FAM114A1: variants seen among roughly 807,000 people sequenced by gnomAD.
The protein encoded by FAM114A1 is family with sequence similarity 114 member A1, also known as protein NOXP20.
FAM114A1 carries 62 observed loss-of-function variants against 64.3 expected under a neutral mutation model. The ratio of observed to expected loss-of-function variants is 0.96; its 90% CI spans 0.79 to 1.19. The LOEUF (loss-of-function observed/expected upper bound fraction) is 1.19. FAM114A1 is among the 50% of genes most tolerant of loss of function. The pLI, the probability that FAM114A1 is intolerant of heterozygous loss-of-function variation, is 0.00. For synonymous variants in FAM114A1, 254 were observed against 251.1 expected, an observed-to-expected ratio of 1.01 and a Z score of -0.11; for missense variants, 645 against 676.3, an observed-to-expected ratio of 0.95 and a Z score of 0.51.
intron 2 of FAM114A1, among the ~76,000 whole-genome samples, chr4:38,871,533 CA>C (rs1292114196): frequency 1.3e-5 from 2 of 151,990 alleles, no homozygotes; most frequent in African/African-American, 4.8e-5. Context: ...TATGTTTTAA[CA>C]ATGCCTGTTT....
chr4:38,884,551 A>G (rs1715610016), intron 3 of FAM114A1, among the ~76,000 whole-genome samples: 1 of 152,218 alleles, frequency 6.6e-6, no homozygotes, highest in African/African-American at 2.4e-5. Context: ...TAAATAGATT[A>G]TGGTAGCTAG....
In FAM114A1 at chr4:38,876,209, G is replaced by A. The variant is rs187444138; in HGVS notation, c.-8-1862G>A. Among the ~76,000 whole-genome samples, 205 of 122,202 alleles carry A rather than the reference G, an allele frequency of 1.7e-3. 1 individual carries two copies. The highest frequency in any genetic ancestry group is 5.9e-3 in the African/African-American group (182 of 30,702). 80.2% of individuals were successfully genotyped at this position (122,202 alleles called of 152,430 possible). A position where few individuals can be genotyped will look rare whatever the true frequency, so the allele number is the denominator to read the frequency against. On this transcript the variant is annotated intron_variant, in intron 2 of 14. Transcript: ENST00000358869. ...TTTTTTGAGACGGTCTCGCTTTGTC[G>A]CCCAGGCTGGAGTGCAGTGACACGA...
rs762985146 is a variant in FAM114A1 at position 38,935,768 on chromosome 4, C to T, written c.1514C>T (p.Thr505Met). ...NEVASLSKKF[T>M]NSLTTVGSNK... ...GTGGCCTCTTTATCAAAGAAGTTTA[C>T]GAATTCTTTAACCACTGTTGGGGTA... Residue 505 changes from threonine (T) to methionine (M), a missense_variant, in exon 13 of 15, where the codon ACG (threonine) becomes ATG (methionine). Coordinates refer to ENST00000358869, the MANE Select transcript of FAM114A1 (RefSeq NM_138389.4). 9.3e-6 allele frequency: 15 copies of T among 1,610,172 alleles called. No individual in the cohort carries two copies. Among genetic ancestry groups the T allele is most frequent in the East Asian group, 6.7e-5 (3 of 44,802 alleles).
At chr4:38,932,956 C>T (rs1192835482) in intron 12 of FAM114A1, among the ~76,000 whole-genome samples, 4 of 150,208 alleles carry the variant, frequency 2.7e-5, no homozygotes, top group Admixed American at 6.6e-5. Flanking sequence ...CAGGTTCAAG[C>T]GATTCTCCTG....
chr4:38,878,765 C>G (rs1346292143), intron 3 of FAM114A1, among the ~76,000 whole-genome samples: 1 of 152,142 alleles, frequency 6.6e-6, no homozygotes, highest in South Asian at 2.1e-4. Flanking sequence ...CTGTGGCAAC[C>G]AGGCTCAGAG....
At position 38,943,447 on chromosome 4, in the gene FAM114A1, C is replaced by T. The variant is rs764065226; in HGVS notation, c.1591-9C>T. ...ATAACCCTTCAACCTCATTTTTCTC[C>T]TCTCACAGGGCTGCAACAGTACAAC... On this transcript the variant is annotated splice_polypyrimidine_tract_variant and intron_variant, in intron 14 of 14. Coordinates refer to ENST00000358869, the MANE Select transcript of FAM114A1 (RefSeq NM_138389.4). 4 of 1,613,014 alleles carry T rather than the reference C, an allele frequency of 2.5e-6. No homozygotes were observed. The highest frequency in any genetic ancestry group is 1.3e-5 in the African/African-American group (1 of 75,030).
Position 38,908,582 on chromosome 4 carries a change from T to A in FAM114A1, c.658-10T>A. On this transcript the variant is annotated splice_polypyrimidine_tract_variant and intron_variant, in intron 6 of 14. Transcript: ENST00000358869. ...AAACATCTAATCTCATGCAGTTATC[T>A]CATCTGCAGGGTAAAAGTGTCTTAA... is the stretch of plus-strand genomic sequence containing the variant. The A allele has an allele frequency of 6.3e-7, 1 of 1,594,946 alleles. No homozygotes were observed. The highest frequency in any genetic ancestry group is 8.6e-7 in the Non-Finnish European group (1 of 1,165,152).
chr4:38,932,215 C>G lies in FAM114A1; in HGVS notation c.1324-20C>G. The stretch of plus-strand genomic sequence containing the variant: ...CATCTGCTCAGTAAAAAATTTCTTG[C>G]TTGTGTCTATTCATTTCAGGAAGTA... On this transcript the variant is annotated intron_variant, in intron 11 of 14. Coordinates refer to ENST00000358869, the MANE Select transcript of FAM114A1 (RefSeq NM_138389.4). The G allele has an allele frequency of 6.3e-7, 1 of 1,575,020 alleles. No individual in the cohort carries two copies. The highest frequency in any genetic ancestry group is 8.6e-7 in the Non-Finnish European group (1 of 1,167,224).
chr4:38,932,324 T>A lies in FAM114A1; in HGVS notation c.1413T>A (p.His471Gln). 6.2e-7 allele frequency: 1 copy of A among 1,613,354 alleles called. No individual in the cohort carries two copies. Residue 471 changes from histidine to glutamine, a missense_variant, in exon 12 of 15, where the codon CAT (histidine) becomes CAA (glutamine). Coordinates refer to ENST00000358869, the MANE Select transcript of FAM114A1 (RefSeq NM_138389.4). The stretch of plus-strand genomic sequence containing the variant: ...ATAAAGTAGCAGAATTAATTCTTCA[T>A]GGACAAGAAGAGGAAAAACCAGCTC... Reference protein sequence around the residue: ...QLHKVAELILHGQEEEKPAQD... With the variant: ...QLHKVAELILQGQEEEKPAQD...
At chr4:38,923,608 T>C (rs1262799513) in intron 9 of FAM114A1, among the ~76,000 whole-genome samples, 2 of 152,196 alleles carry the variant, frequency 1.3e-5, no homozygotes, top group African/African-American at 4.8e-5. Context: ...CCTGAATTTT[T>C]TTGTATATTT....
chr4:38,941,076 CTTT>C (rs11398065), intron 14 of FAM114A1, 55 bp downstream of exon 14: 473 of 1,233,884 alleles, frequency 3.8e-4, no homozygotes, highest in Admixed American at 4.7e-4. Flanking sequence ...GTTAGAACTA[CTTT>C]TTTTTTTTTT....
chr4:38,912,150 C>T (rs1718614993), intron 7 of FAM114A1, among the ~76,000 whole-genome samples: 1 of 151,840 alleles, frequency 6.6e-6, no homozygotes, highest in East Asian at 1.9e-4. Flanking sequence ...CATGAGCCAC[C>T]GCACCCAGCC....
At chr4:38,943,311 C>A in intron 14 of FAM114A1, 145 bp from the exon 15 acceptor site, 2 of 619,658 alleles carry the variant, frequency 3.2e-6, no homozygotes, top group Admixed American at 2.4e-5. Context: ...CATGTGTTTA[C>A]ACTTGCTTTA....
In FAM114A1 at chr4:38,908,696, G is replaced by A. The variant is rs775512648; in HGVS notation, c.762G>A (p.Thr254=). Residue 254 remains threonine, a synonymous_variant, in exon 7 of 15, where the codon ACG becomes ACA. Coordinates refer to ENST00000358869, the MANE Select transcript of FAM114A1 (RefSeq NM_138389.4). The stretch of plus-strand genomic sequence containing the variant: ...ACCCGGGCTTTAAGCGGACCAAGAC[G>A]CTCATGGAGAGAACTGTTTCCTTGT... ...ESDPGFKRTK[T]LMERTVSLSQ... 2.9e-5 allele frequency: 47 copies of A among 1,610,760 alleles called. No individual in the cohort carries two copies. The highest frequency in any genetic ancestry group is 1.6e-4 in the Middle Eastern group (1 of 6,068).
intron 9 of FAM114A1, among the ~76,000 whole-genome samples, chr4:38,923,306 C>G (rs1719798303): frequency 6.6e-6 from 1 of 150,900 alleles, no homozygotes; most frequent in South Asian, 2.1e-4. Flanking sequence ...TCACTGCAAC[C>G]TCCACCTCCC....
At chr4:38,910,320 C>G (rs565249418) in intron 7 of FAM114A1, among the ~76,000 whole-genome samples, 1 of 152,144 alleles carries the variant, frequency 6.6e-6, no homozygotes, top group East Asian at 1.9e-4. Context: ...AACAACCACC[C>G]CTAAGTATCA....
chr4:38,911,829 CTTCTTTTTTTTTTTCTTTTTTTTTCTTTT>C (rs1308313531), intron 7 of FAM114A1, among the ~76,000 whole-genome samples: 4 of 135,798 alleles, frequency 2.9e-5, no homozygotes, highest in African/African-American at 8.2e-5. Context: ...TTCTTTCTTT[CTTCTTTTTTTTTTTCTTTTTTTTTCTTTT>C]TTCTTTTTTT....
chr4:38,945,456 G>A lies in FAM114A1; in HGVS notation c.*1899G>A, dbSNP rs937057792. 6.6e-6 allele frequency: 1 copy of A among 152,222 alleles called. No individual in the cohort carries two copies. The highest frequency in any genetic ancestry group is 2.4e-5 in the African/African-American group (1 of 41,452). 9.4% of individuals were successfully genotyped at this position (152,222 alleles called of 1,614,324 possible). A position where few individuals can be genotyped will look rare whatever the true frequency, so the allele number is the denominator to read the frequency against. On this transcript the variant is annotated 3_prime_UTR_variant, in exon 15 of 15. Coordinates refer to ENST00000358869, the MANE Select transcript of FAM114A1 (RefSeq NM_138389.4). ...TACAGGTACTGTCATGTGAAGCCTT[G>A]CCTAGTAGTTCTCTCCAGGGCAAAT... is the stretch of plus-strand genomic sequence containing the variant.
intron 14 of FAM114A1, among the ~76,000 whole-genome samples, chr4:38,942,335 T>G (rs1721638733): frequency 6.6e-6 from 1 of 152,126 alleles, no homozygotes; most frequent in Non-Finnish European, 1.5e-5. Flanking sequence ...TGAATATTAT[T>G]GTTTAGGATG....
Sources: allele counts gnomAD v4.1 joint callset (sites outside exome capture counted in the v4.1 genomes callset), GRCh38; gene constraint gnomAD v4.1.1; transcripts MANE v1.5; gene names NCBI Gene and HGNC (gene_info 2026-07-23, HGNC 2026-07-21).